The following PTPN11 variants were observed in gnomAD, a reference collection of about 807,000 sequenced individuals.
PTPN11 encodes the protein protein tyrosine phosphatase non-receptor type 11.
In PTPN11, 6 loss-of-function variants were observed where a neutral mutation model predicts 78.8. That is an observed-to-expected ratio of 0.08 (90% CI 0.04 to 0.15). The LOEUF (loss-of-function observed/expected upper bound fraction) is 0.15, where lower values mean the gene tolerates loss of function less well. PTPN11 is among the 10% of genes least tolerant of loss of function. The probability of loss-of-function intolerance (pLI) is 1.00; values close to 1 mark genes in which losing one functional copy is unlikely to be tolerated. For synonymous variants in PTPN11, 221 were observed against 263.5 expected (o/e 0.84, Z 1.56); for missense variants, 386 against 744.8 (o/e 0.52, Z 5.61).
At chr12:112,479,102 C>G (rs1200243396) in intron 9 of PTPN11, among the ~76,000 whole-genome samples, 1 of 152,146 alleles carries the variant, frequency 6.6e-6, no homozygotes, top group Non-Finnish European at 1.5e-5. Flanking sequence ...TCACTCCCAC[C>G]AGCAGCACCT....
At chr12:112,420,343 C>CT (rs2037503203) in intron 1 of PTPN11, among the ~76,000 whole-genome samples, 1 of 151,572 alleles carries the variant, frequency 6.6e-6, no homozygotes, top group Admixed American at 6.6e-5. Flanking sequence ...ATTTTCTTTT[C>CT]TTTTTTTCTT....
chr12:112,439,291 TTC>T (rs2037844506), intron 1 of PTPN11, among the ~76,000 whole-genome samples: 1 of 152,088 alleles, frequency 6.6e-6, no homozygotes, highest in Non-Finnish European at 1.5e-5. Context: ...AAAAAATTTA[TTC>T]TTATTTTATT....
At chr12:112,459,390 G>GCCCCACTCACTT (rs1555268313) in intron 6 of PTPN11, among the ~76,000 whole-genome samples, 1 of 151,208 alleles carries the variant, frequency 6.6e-6, no homozygotes, top group Non-Finnish European at 1.5e-5. Context: ...TTTCGACTCT[G>GCCCCACTCACTT]CCCCACTCAC....
At chr12:112,445,093 GCACATA>G (rs1054185421) in intron 1 of PTPN11, among the ~76,000 whole-genome samples, 5 of 151,924 alleles carry the variant, frequency 3.3e-5, no homozygotes, top group African/African-American at 9.7e-5. Context: ...ATTCATAAAA[GCACATA>G]CACATACACA....
chr12:112,463,684 A>T lies in PTPN11; in HGVS notation c.756+7621A>T, dbSNP rs553578263. On this transcript the variant is annotated intron_variant, in intron 6 of 15. Transcript: ENST00000351677. ...ACAACAAAAGGGAAAAATTGAGTTG[A>T]CTTTAAGAGGAAGTGGAAAATAACG... Among the ~76,000 whole-genome samples the T allele has an allele frequency of 8.5e-5, 13 of 152,286 alleles. No homozygotes were observed. In the East Asian group the frequency reaches 2.5e-3, roughly 29 times the overall value.
intron 14 of PTPN11, among the ~76,000 whole-genome samples, chr12:112,503,261 C>G (rs199961268): frequency 6.6e-6 from 1 of 152,146 alleles, no homozygotes; most frequent in East Asian, 1.9e-4. Context: ...GTTGAAAACA[C>G]GGTAGGAAAG....
rs2135900994 is a variant in PTPN11 at position 112,477,661 on chromosome 12, C to G, written c.864C>G (p.Thr288=). The G allele has an allele frequency of 6.2e-7, 1 of 1,611,432 alleles. No homozygotes were observed. Among genetic ancestry groups the G allele is most frequent in the Non-Finnish European group, 8.5e-7 (1 of 1,178,394 alleles). The change falls in exon 8 of 16, where the codon ACC becomes ACG. Residue 288 remains threonine (T), a synonymous_variant. Transcript: ENST00000351677. ...CTCTTTTTCTTCTAGTTGATCATAC[C>G]AGGGTTGTCCTACACGATGGTGATC... The part of the protein sequence containing the change: ...RYKNILPFDH[T]RVVLHDGDPN...
chr12:112,436,905 TATGGTAATAA>T (rs542609969), intron 1 of PTPN11, among the ~76,000 whole-genome samples: 85 of 152,276 alleles, frequency 5.6e-4, no homozygotes, highest in South Asian at 3.5e-3. Context: ...TAATTAAATT[TATGGTAATAA>T]ATGGTAATAA....
chr12:112,433,088 T>C (rs1160798846), intron 1 of PTPN11, among the ~76,000 whole-genome samples: 2 of 152,160 alleles, frequency 1.3e-5, no homozygotes, highest in Non-Finnish European at 2.9e-5. Context: ...CTTGAACTCC[T>C]GACCTCAAGT....
chr12:112,463,576 A>G (rs978496759), intron 6 of PTPN11, among the ~76,000 whole-genome samples: 11 of 152,218 alleles, frequency 7.2e-5, no homozygotes, highest in African/African-American at 2.7e-4. Context: ...CTGGCCATGG[A>G]AAAAGATGGT....
chr12:112,495,293 T>C (rs1051338532), intron 13 of PTPN11, among the ~76,000 whole-genome samples: 4 of 152,214 alleles, frequency 2.6e-5, no homozygotes, highest in African/African-American at 9.6e-5. Context: ...ACACACTGAG[T>C]TTGGTCACTT....
At chr12:112,481,761 G>A (rs148724565) in intron 9 of PTPN11, among the ~76,000 whole-genome samples, 1 of 152,120 alleles carries the variant, frequency 6.6e-6, no homozygotes, top group Non-Finnish European at 1.5e-5. Context: ...CGAACTGCTG[G>A]GATTACAGGC....
chr12:112,505,612 G>A (rs1034745493), intron 15 of PTPN11, among the ~76,000 whole-genome samples: 11 of 141,572 alleles, frequency 7.8e-5, no homozygotes, highest in African/African-American at 1.6e-4. Flanking sequence ...TGCCAAGATC[G>A]CGCCATTGCA....
chr12:112,460,501 G>T (rs915465138), intron 6 of PTPN11, among the ~76,000 whole-genome samples: 2 of 151,964 alleles, frequency 1.3e-5, no homozygotes, highest in Non-Finnish European at 2.9e-5. Context: ...TCATTTTTCA[G>T]ATAAGCTTCA....
At position 112,509,332 on chromosome 12, in the gene PTPN11, T is replaced by C. The variant is rs184174716; in HGVS notation, c.*3540T>C. On this transcript the variant is annotated 3_prime_UTR_variant, in exon 16 of 16. Coordinates refer to ENST00000351677, the MANE Select transcript of PTPN11 (RefSeq NM_002834.5). ...TTGAACAGTTGGTTTTAGTGTGTTGTATAACTTTGCTGTATATCAAACTAA... is the reference window on the plus strand; with the variant it reads ...TTGAACAGTTGGTTTTAGTGTGTTGCATAACTTTGCTGTATATCAAACTAA... The C allele has an allele frequency of 2.6e-5, 4 of 152,660 alleles. No individual in the cohort carries two copies. Among genetic ancestry groups the C allele is most frequent in the South Asian group, 2.1e-4 (1 of 4,828 alleles). The allele number at this position is 152,660 out of a possible 1,614,324, so 9.5% of individuals were successfully genotyped here.
At chr12:112,456,731 A>G (rs1423943680) in intron 6 of PTPN11, among the ~76,000 whole-genome samples, 1 of 147,450 alleles carries the variant, frequency 6.8e-6, no homozygotes, top group African/African-American at 2.5e-5. Flanking sequence ...AGTAGCTGGG[A>G]CTACAGGCAC....
chr12:112,456,690 G>A lies in PTPN11; in HGVS notation c.756+627G>A, dbSNP rs577532824. On this transcript the variant is annotated intron_variant, in intron 6 of 15. Coordinates refer to ENST00000351677, the MANE Select transcript of PTPN11 (RefSeq NM_002834.5). ...GCCCAGGCTGGTCTTGAACTCTTGG[G>A]CTCAAGTGATCCTCCTACTTAAGCT... Among the ~76,000 whole-genome samples the A allele has an allele frequency of 2.3e-3, 343 of 152,078 alleles. 1 individual carries two copies. The highest frequency in any genetic ancestry group is 0.01 in the Middle Eastern group (3 of 294).
intron 6 of PTPN11, among the ~76,000 whole-genome samples, chr12:112,472,101 G>C (rs2038427325): frequency 1.3e-5 from 2 of 151,964 alleles, no homozygotes; most frequent in Admixed American, 1.3e-4. Context: ...TAGGATTATA[G>C]GCGTGAGCCA....
intron 11 of PTPN11, chr12:112,486,878 ATC>A (rs2038686775): frequency 7.1e-7 from 1 of 1,413,590 alleles, no homozygotes; most frequent in South Asian, 1.5e-5. Context: ...AGTCAGCATT[ATC>A]TCTGAGTCCA....
Sources: gnomAD v4.1 joint callset for allele counts (sites outside exome capture counted in the v4.1 genomes callset) on GRCh38, gnomAD v4.1.1 for gene constraint, MANE v1.5 for transcripts, NCBI Gene and HGNC (gene_info 2026-07-23, HGNC 2026-07-21) for gene names.